Variants in DNAH7 observed in about 807,000 individuals in gnomAD.
DNAH7 encodes the protein dynein axonemal heavy chain 7.
Under a neutral mutation model 444.6 loss-of-function variants are expected in DNAH7, and 397 were observed. The ratio of observed to expected loss-of-function variants is 0.89; its 90% CI spans 0.82 to 0.97. The LOEUF (loss-of-function observed/expected upper bound fraction) is 0.97. Among genes scored for constraint, DNAH7 ranks in the 50% least tolerant of loss-of-function variants. The pLI, the probability that DNAH7 is intolerant of heterozygous loss-of-function variation, is 0.00. For missense variants in DNAH7, 4,902 were observed against 4,800.8 expected, an observed-to-expected ratio of 1.02 and a Z score of -0.62; for synonymous variants, 1,636 against 1,624.4, an observed-to-expected ratio of 1.01 and a Z score of -0.17.
Position 195,808,798 on chromosome 2 carries a change from G to A in DNAH7, c.9967C>T (p.Leu3323Phe), listed in dbSNP as rs1696825583. 3 of 1,613,868 alleles carry A rather than the reference G, an allele frequency of 1.9e-6. No homozygotes were observed. Among genetic ancestry groups the A allele is most frequent in the Non-Finnish European group, 2.5e-6 (3 of 1,179,932 alleles). The part of the protein sequence containing the change: ...DNPYANLCTW[L>F]PQKSWDEICR... ...ATTTCATCCCAGGATTTCTGAGGAA[G>A]CCATGTACAAAGGTTGGCATAAGGA... The change falls in exon 53 of 65, where the codon CTT becomes TTT. Residue 3323 changes from leucine to phenylalanine, a missense_variant. Coordinates refer to ENST00000312428, the MANE Select transcript of DNAH7 (RefSeq NM_018897.3).
rs141407581 is a variant in DNAH7, at chr2:195,994,589, C to T, written c.1353+6115G>A. 2.6e-4 allele frequency: 128 copies of T among 488,492 alleles called. 2 individuals carry two copies. The highest frequency in any genetic ancestry group is 2.3e-3 in the African/African-American group (113 of 50,084). The allele number at this position is 488,492 out of a possible 1,614,324, so 30.3% of individuals were successfully genotyped here. A position where few individuals can be genotyped will look rare whatever the true frequency, so the allele number is the denominator to read the frequency against. On this transcript the variant is annotated intron_variant, in intron 12 of 64. Transcript: ENST00000312428. ...CTGGATTGTGTGTTTCCATCTCTTC[C>T]GGACAGGAGTAAACCTCAATTGGTC...
intron 46 of DNAH7, among the ~76,000 whole-genome samples, chr2:195,848,574 T>C (rs1699159870): frequency 6.6e-6 from 1 of 152,224 alleles, no homozygotes; most frequent in Non-Finnish European, 1.5e-5. Context: ...GACACTCAGA[T>C]AAATGAAAGG....
At chr2:196,014,164 T>C (rs1381474988) in intron 9 of DNAH7, among the ~76,000 whole-genome samples, 1 of 152,200 alleles carries the variant, frequency 6.6e-6, no homozygotes, top group African/African-American at 2.4e-5. Flanking sequence ...CCAGACACTG[T>C]TCTTGCTTTC....
intron 24 of DNAH7, among the ~76,000 whole-genome samples, chr2:195,921,431 G>T (rs981322804): frequency 2.0e-5 from 3 of 150,668 alleles, no homozygotes; most frequent in African/African-American, 4.9e-5. Context: ...GGAAGGAAAT[G>T]ATAACATTCA....
Position 195,956,610 on chromosome 2 carries a change from C to T in DNAH7, c.3078+651G>A, listed in dbSNP as rs569050129. 5.3e-5 allele frequency among the ~76,000 whole-genome samples: 8 copies of T among 151,004 alleles called. No individual in the cohort carries two copies. The South Asian group carries it at 1.7e-3, about 32-fold the overall frequency. ...AGGTTGCAGTAAGCCAAGATTGCAC[C>T]ACTGCACTCCAGCCTGGGTGACAGA... On this transcript the variant is annotated intron_variant, in intron 19 of 64. Coordinates refer to ENST00000312428, the MANE Select transcript of DNAH7 (RefSeq NM_018897.3).
intron 19 of DNAH7, among the ~76,000 whole-genome samples, chr2:195,939,991 C>T (rs9808127): frequency 0.27 from 40,438 of 152,062 alleles, 8,341 homozygotes; most frequent in African/African-American, 0.58. Context: ...CAAGCTACCA[C>T]TGACTTTCTT....
chr2:195,776,310 G>T (rs1451869904), intron 59 of DNAH7, among the ~76,000 whole-genome samples: 4 of 152,042 alleles, frequency 2.6e-5, no homozygotes, highest in Admixed American at 2.6e-4. Flanking sequence ...GGGTGTGGTG[G>T]CACACACCTG....
intron 1 of DNAH7, among the ~76,000 whole-genome samples, chr2:196,060,051 T>C (rs1357988364): frequency 6.6e-6 from 1 of 152,012 alleles, no homozygotes; most frequent in South Asian, 2.1e-4. Context: ...CCGTCCGTAC[T>C]AAAAATACAA....
intron 58 of DNAH7, among the ~76,000 whole-genome samples, chr2:195,783,038 C>T (rs141211260): frequency 1.2e-4 from 19 of 152,262 alleles, no homozygotes; most frequent in Non-Finnish European, 2.4e-4. Context: ...GATATCCACT[C>T]GCCCATCTGC....
At chr2:195,913,708 CTGT>C (rs35583416) in intron 24 of DNAH7, among the ~76,000 whole-genome samples, 23,641 of 152,068 alleles carry the variant, frequency 0.16, 2,211 homozygotes, top group African/African-American at 0.26. Flanking sequence ...GTTTTTGTTG[CTGT>C]TGTTGTTTGG....
intron 61 of DNAH7, among the ~76,000 whole-genome samples, chr2:195,765,409 C>T (rs934886173): frequency 6.6e-6 from 1 of 151,782 alleles, no homozygotes; most frequent in African/African-American, 2.4e-5. Flanking sequence ...TTGTCCATAG[C>T]AAAAGAAGCA....
At chr2:196,055,466 T>TA (rs1697745559) in intron 2 of DNAH7, among the ~76,000 whole-genome samples, 1 of 151,894 alleles carries the variant, frequency 6.6e-6, no homozygotes, top group African/African-American at 2.4e-5. Flanking sequence ...CTTTCTGAAA[T>TA]ACAAGCACCA....
chr2:195,776,666 A>G (rs1242033955), intron 59 of DNAH7, among the ~76,000 whole-genome samples: 1 of 152,100 alleles, frequency 6.6e-6, no homozygotes, highest in Non-Finnish European at 1.5e-5. Context: ...GTTTACTCTT[A>G]CTGTAAAAAA....
chr2:195,972,221 T>C (rs57117613), intron 16 of DNAH7, 21 bp downstream of exon 16: 130,215 of 1,572,910 alleles, frequency 0.083, 7,030 homozygotes, highest in African/African-American at 0.26. Context: ...AAAATGAAAA[T>C]AAAATATCTA....
intron 9 of DNAH7, among the ~76,000 whole-genome samples, chr2:196,015,284 A>G: frequency 6.6e-6 from 1 of 152,176 alleles, no homozygotes; most frequent in East Asian, 1.9e-4. Flanking sequence ...GAGTTAGGTT[A>G]AGCATCTTTT....
chr2:195,739,032 C>T (rs947850663), intron 64 of DNAH7, among the ~76,000 whole-genome samples: 1 of 152,176 alleles, frequency 6.6e-6, no homozygotes, highest in African/African-American at 2.4e-5. Context: ...CTTCCTAACT[C>T]AGATTTCATT....
intron 62 of DNAH7, among the ~76,000 whole-genome samples, chr2:195,754,888 A>G (rs564737598): frequency 2.6e-5 from 4 of 152,362 alleles, no homozygotes; most frequent in Admixed American, 2.6e-4. Flanking sequence ...AGATAAACTA[A>G]CAAATAACCC....
chr2:195,800,078 A>G (rs907244522), intron 54 of DNAH7, among the ~76,000 whole-genome samples: 8 of 152,198 alleles, frequency 5.3e-5, no homozygotes, highest in Non-Finnish European at 1.0e-4. Flanking sequence ...TTGGGGGTGG[A>G]ATTGCATTCA....
chr2:195,855,896 G>C lies in DNAH7; in HGVS notation c.8510C>G (p.Ala2837Gly), dbSNP rs1045521666. The C allele has an allele frequency of 2.5e-6, 4 of 1,613,950 alleles. No homozygotes were observed. Among genetic ancestry groups the C allele is most frequent in the African/African-American group, 1.3e-5 (1 of 75,008 alleles). Residue 2837 changes from alanine (A) to glycine (G), a missense_variant, in exon 45 of 65, where the codon GCC becomes GGC. Ala to Gly is a moderately conservative substitution (Grantham distance 60). Coordinates refer to ENST00000312428, the MANE Select transcript of DNAH7 (RefSeq NM_018897.3). ...CAGCTTGTCCTGAACTTCCTTAAGG[G>C]CTGCCTGCTTCTTTCTAAGACCATC... Reference protein sequence around the residue: ...AMDGLRKKQAALKEVQDKLAR... With the variant: ...AMDGLRKKQAGLKEVQDKLAR...
Sources: gnomAD v4.1 joint callset for allele counts (sites outside exome capture counted in the v4.1 genomes callset) on GRCh38, gnomAD v4.1.1 for gene constraint, MANE v1.5 for transcripts, NCBI Gene and HGNC (gene_info 2026-07-23, HGNC 2026-07-21) for gene names.